The following XIRP2 variants were observed in gnomAD, a reference collection of about 807,000 sequenced individuals.
XIRP2 encodes xin actin-binding repeat-containing protein 2.
A neutral mutation model predicts 277.0 loss-of-function variants in XIRP2; 236 were observed. That is an observed-to-expected ratio of 0.85 (90% CI 0.77 to 0.95). XIRP2 has a LOEUF of 0.95. XIRP2 is among the 40% of genes least tolerant of loss of function. The probability of loss-of-function intolerance (pLI) is 0.00; values close to 1 mark genes in which losing one functional copy is unlikely to be tolerated. For missense variants in XIRP2, 4,640 were observed against 4,157.5 expected (o/e 1.12, Z -3.19); for synonymous variants, 1,490 against 1,416.5 (o/e 1.05, Z -1.17).
At chr2:166,963,261 T>C (rs1320931456) in intron 2 of XIRP2, among the ~76,000 whole-genome samples, 2 of 151,620 alleles carry the variant, frequency 1.3e-5, no homozygotes, top group Non-Finnish European at 1.5e-5. Flanking sequence ...TGGATACATA[T>C]ATGACTATTT....
At chr2:166,941,118 G>T (rs1266693806) in intron 2 of XIRP2, among the ~76,000 whole-genome samples, 1 of 152,148 alleles carries the variant, frequency 6.6e-6, no homozygotes, top group African/African-American at 2.4e-5. Flanking sequence ...CAGCCACTTT[G>T]TTTACCTACT....
At chr2:167,131,565 A>T (rs1691378144) in intron 2 of XIRP2, among the ~76,000 whole-genome samples, 1 of 152,174 alleles carries the variant, frequency 6.6e-6, no homozygotes, top group African/African-American at 2.4e-5. Context: ...TGCTCAACTC[A>T]AAAGATATAT....
intron 2 of XIRP2, among the ~76,000 whole-genome samples, chr2:167,105,007 G>C (rs1272686911): frequency 6.6e-6 from 1 of 152,024 alleles, no homozygotes; most frequent in Non-Finnish European, 1.5e-5. Context: ...TTTGATATAT[G>C]AATTAAGAGT....
intron 2 of XIRP2, among the ~76,000 whole-genome samples, chr2:167,031,215 G>A (rs1165756797): frequency 6.6e-6 from 1 of 152,068 alleles, no homozygotes; most frequent in East Asian, 1.9e-4. Context: ...ACTGTTATGT[G>A]TGAATTTGAT....
intron 2 of XIRP2, among the ~76,000 whole-genome samples, chr2:166,994,991 C>A (rs1318845967): frequency 6.6e-6 from 1 of 151,704 alleles, no homozygotes; most frequent in Non-Finnish European, 1.5e-5. Flanking sequence ...AAGTGATTAT[C>A]CTGCCTCAGC....
rs77891647 is a variant in XIRP2 at position 167,186,805 on chromosome 2, G to GT, written c.563-23914dup. ...GAATTCCTTTCCACCATTCTTCCTT[G>GT]TTTTTTTTTTTTTTTTAACTAAACC... On this transcript the variant is annotated intron_variant, in intron 3 of 10. Transcript: ENST00000409195. 7.9e-3 allele frequency among the ~76,000 whole-genome samples: 1,038 copies of GT among 131,884 alleles called. 8 individuals are homozygous for GT. The highest frequency in any genetic ancestry group is 0.018 in the African/African-American group (654 of 36,144). The allele number at this position is 131,884 out of a possible 152,430, so 86.5% of individuals were successfully genotyped here. A position where few individuals can be genotyped will look rare whatever the true frequency, so the allele number is the denominator to read the frequency against.
At chr2:167,025,967 A>C (rs1688143174) in intron 2 of XIRP2, among the ~76,000 whole-genome samples, 1 of 152,166 alleles carries the variant, frequency 6.6e-6, no homozygotes, top group Non-Finnish European at 1.5e-5. Context: ...AATGTCTATT[A>C]GGTCTGCTTG....
chr2:167,230,475 G>A (rs898251962), intron 5 of XIRP2, among the ~76,000 whole-genome samples: 2 of 151,936 alleles, frequency 1.3e-5, no homozygotes, highest in Non-Finnish European at 2.9e-5. Flanking sequence ...AAGGGATTAT[G>A]ATAATAAGAA....
intron 3 of XIRP2, among the ~76,000 whole-genome samples, chr2:167,200,649 C>CTTTTT (rs569948661): frequency 2.6e-5 from 4 of 152,278 alleles, no homozygotes; most frequent in Admixed American, 2.6e-4. Flanking sequence ...GAAATAAGGT[C>CTTTTT]AGATCAATAC....
intron 2 of XIRP2, among the ~76,000 whole-genome samples, chr2:167,025,223 T>C (rs911457080): frequency 7.9e-5 from 12 of 152,204 alleles, no homozygotes; most frequent in Non-Finnish European, 1.8e-4. Flanking sequence ...TTCTTCTAGA[T>C]TTTCTAGTTT....
At chr2:166,956,813 A>T (rs975055617) in intron 2 of XIRP2, among the ~76,000 whole-genome samples, 1 of 151,760 alleles carries the variant, frequency 6.6e-6, no homozygotes, top group Admixed American at 6.6e-5. Context: ...TCCCTGGAAG[A>T]TCCTCCCATT....
At chr2:167,092,188 A>T (rs533398833) in intron 2 of XIRP2, among the ~76,000 whole-genome samples, 2 of 152,292 alleles carry the variant, frequency 1.3e-5, no homozygotes, top group East Asian at 3.9e-4. Flanking sequence ...CATCTTTGTC[A>T]TAGCCCATTC....
At chr2:167,038,064 A>G (rs1378044562) in intron 2 of XIRP2, among the ~76,000 whole-genome samples, 1 of 152,106 alleles carries the variant, frequency 6.6e-6, no homozygotes, top group Non-Finnish European at 1.5e-5. Flanking sequence ...ATTTTCGTAT[A>G]GAAGTATTTT....
chr2:167,029,498 T>A (rs995739060), intron 2 of XIRP2, among the ~76,000 whole-genome samples: 7 of 152,286 alleles, frequency 4.6e-5, no homozygotes, highest in Admixed American at 1.3e-4. Context: ...GTTTATGTGA[T>A]GGAATACGTT....
intron 2 of XIRP2, among the ~76,000 whole-genome samples, chr2:166,920,223 G>T (rs1287998935): frequency 1.3e-5 from 2 of 152,082 alleles, no homozygotes; most frequent in Non-Finnish European, 2.9e-5. Flanking sequence ...ATCATAGAAG[G>T]CAAGAACTAT....
chr2:167,205,118 C>T (rs1025226525), intron 3 of XIRP2, among the ~76,000 whole-genome samples: 19 of 152,106 alleles, frequency 1.2e-4, no homozygotes, highest in Non-Finnish European at 7.4e-5. Context: ...TTTCAGGATG[C>T]CTTTCCTGAC....
intron 2 of XIRP2, among the ~76,000 whole-genome samples, chr2:167,122,265 C>T (rs1013617942): frequency 1.3e-5 from 2 of 152,124 alleles, no homozygotes; most frequent in Non-Finnish European, 2.9e-5. Context: ...ACATTGGACC[C>T]AACCAAAAAT....
At chr2:167,016,701 G>A (rs1687834809) in intron 2 of XIRP2, among the ~76,000 whole-genome samples, 1 of 151,938 alleles carries the variant, frequency 6.6e-6, no homozygotes, top group African/African-American at 2.4e-5. Flanking sequence ...TAAAAGGGAA[G>A]AAGCAGGAGC....
At chr2:167,182,413 T>C (rs1264729107) in intron 3 of XIRP2, among the ~76,000 whole-genome samples, 2 of 152,246 alleles carry the variant, frequency 1.3e-5, no homozygotes, top group African/African-American at 4.8e-5. Flanking sequence ...CCCTGATAGT[T>C]CGCTTTGCTA....
Sources: gnomAD v4.1 joint callset for allele counts (sites outside exome capture counted in the v4.1 genomes callset) on GRCh38, gnomAD v4.1.1 for gene constraint, MANE v1.5 for transcripts, NCBI Gene and HGNC (gene_info 2026-07-23, HGNC 2026-07-21) for gene names.